The following PCM1 variants were observed in gnomAD, a reference collection of about 807,000 sequenced individuals.
The protein encoded by PCM1 is pericentriolar material 1 protein.
In PCM1, 157 loss-of-function variants were observed where a neutral mutation model predicts 241.9. The ratio of observed to expected loss-of-function variants is 0.65; its 90% confidence interval spans 0.57 to 0.74. The LOEUF is 0.74. Among genes scored for constraint, PCM1 ranks in the 30% least tolerant of loss-of-function variants. The pLI is 0.00. For missense variants in PCM1, 3,478 were observed against 2,360.1 expected, an observed-to-expected ratio of 1.47 and a Z score of -9.81; for synonymous variants, 1,085 against 784.9, an observed-to-expected ratio of 1.38 and a Z score of -6.39.
rs2069044245 is a variant in PCM1 at position 17,957,348 on chromosome 8, A to G, written c.1731A>G (p.Thr577=). The G allele has an allele frequency of 6.2e-7, 1 of 1,611,418 alleles. No homozygotes were observed. Among genetic ancestry groups the G allele is most frequent in the Non-Finnish European group, 8.5e-7 (1 of 1,177,908 alleles). Residue 577 remains threonine (T), a synonymous_variant, in exon 12 of 39, where the codon ACA becomes ACG. Coordinates refer to ENST00000325083, the MANE Select transcript of PCM1 (RefSeq NM_006197.4). ...QCVSNNRDGR[T]VNSNCEINNR... ...TTTCTAATAATAGAGATGGGCGAAC[A>G]GTTAATTCTAATTGTGAAATTAACA... is the stretch of plus-strand genomic sequence containing the variant.
At chr8:17,970,145 A>G (rs1214240801) in intron 22 of PCM1, among the ~76,000 whole-genome samples, 2 of 152,104 alleles carry the variant, frequency 1.3e-5, no homozygotes, top group Non-Finnish European at 2.9e-5. Context: ...TTCAAATATA[A>G]TGTTGAGTAC....
rs1412935189 is a variant in PCM1 at position 18,028,779 on chromosome 8, G to A, written c.*1117G>A. ...TCCTCGAATAAAATACAAAGAATTA[G>A]TTCCAATAAGTATTTTAACTTTGTT... is the stretch of plus-strand genomic sequence containing the variant. On this transcript the variant is annotated 3_prime_UTR_variant, in exon 39 of 39. Transcript: ENST00000325083. 1 of 191,588 alleles carries A rather than the reference G, an allele frequency of 5.2e-6. No homozygotes were observed. The highest frequency in any genetic ancestry group is 1.1e-5 in the Non-Finnish European group (1 of 91,520). The allele number at this position is 191,588 out of a possible 1,614,324, so 11.9% of individuals were successfully genotyped here. A position where few individuals can be genotyped will look rare whatever the true frequency, so the allele number is the denominator to read the frequency against.
At chr8:17,934,662 C>G (rs922866616) in intron 2 of PCM1, 1 of 152,074 alleles carries the variant, frequency 6.6e-6, no homozygotes, top group Non-Finnish European at 1.5e-5. Flanking sequence ...CTTTTCATGT[C>G]CCTTGAATTT....
At chr8:17,989,648 A>G (rs972822452) in intron 26 of PCM1, among the ~76,000 whole-genome samples, 1 of 152,154 alleles carries the variant, frequency 6.6e-6, no homozygotes, top group East Asian at 1.9e-4. Flanking sequence ...ATATTCTGCA[A>G]GGCTACTTAT....
intron 38 of PCM1, among the ~76,000 whole-genome samples, 172 bp from the exon 39 acceptor site, chr8:18,027,465 T>C (rs2094318471): frequency 1.3e-5 from 2 of 152,212 alleles, no homozygotes; most frequent in Admixed American, 1.3e-4. Flanking sequence ...CAGAAACGCC[T>C]CACCTATTCT....
chr8:17,991,157 TG>T (rs893061777), intron 27 of PCM1, among the ~76,000 whole-genome samples: 15 of 152,128 alleles, frequency 9.9e-5, no homozygotes, highest in African/African-American at 2.9e-4. Context: ...TGTTTTAGGT[TG>T]CGTTGTTTTC....
intron 11 of PCM1, 100 bp from the exon 12 acceptor site, chr8:17,957,164 G>A (rs1244870947): frequency 1.1e-6 from 1 of 880,062 alleles, no homozygotes; most frequent in Non-Finnish European, 1.7e-6. Flanking sequence ...AGCCAACAAT[G>A]TGCTTGGTTT....
intron 1 of PCM1, among the ~76,000 whole-genome samples, chr8:17,924,389 C>G (rs184424206): frequency 6.5e-4 from 99 of 152,270 alleles, no homozygotes; most frequent in African/African-American, 2.1e-3. Context: ...TAACAGGAAG[C>G]TCGATCAATC....
chr8:17,996,361 A>G (rs1352170812), intron 29 of PCM1, among the ~76,000 whole-genome samples: 1 of 152,224 alleles, frequency 6.6e-6, no homozygotes, highest in Non-Finnish European at 1.5e-5. Context: ...ATGTTGAACC[A>G]TCCTTGCATC....
At chr8:17,983,020 A>G (rs910600224) in intron 24 of PCM1, among the ~76,000 whole-genome samples, 2 of 152,206 alleles carry the variant, frequency 1.3e-5, no homozygotes, top group African/African-American at 2.4e-5. Context: ...TATGATAGTC[A>G]TCATCGGTCG....
intron 4 of PCM1, 91 bp downstream of exon 4, chr8:17,937,470 T>G: frequency 8.3e-7 from 1 of 1,204,580 alleles, no homozygotes; most frequent in South Asian, 1.5e-5. Context: ...AAAATTGAGC[T>G]GTTTATGTAA....
At chr8:17,996,711 A>C (rs1024347553) in intron 29 of PCM1, among the ~76,000 whole-genome samples, 1 of 152,172 alleles carries the variant, frequency 6.6e-6, no homozygotes, top group Non-Finnish European at 1.5e-5. Flanking sequence ...TCAGGTTACC[A>C]TGAGGATTGC....
intron 4 of PCM1, among the ~76,000 whole-genome samples, chr8:17,938,047 C>T (rs1460421769): frequency 1.3e-5 from 2 of 152,112 alleles, no homozygotes; most frequent in Non-Finnish European, 2.9e-5. Flanking sequence ...ACTTTAATTA[C>T]ATTGATTCAT....
At chr8:17,969,188 C>T (rs569268107) in intron 21 of PCM1, among the ~76,000 whole-genome samples, 8 of 152,150 alleles carry the variant, frequency 5.3e-5, no homozygotes, top group African/African-American at 1.9e-4. Flanking sequence ...ATTTATTAGA[C>T]GTTTGATTTC....
intron 36 of PCM1, among the ~76,000 whole-genome samples, chr8:18,022,060 T>G (rs569100854): frequency 1.3e-5 from 2 of 152,172 alleles, no homozygotes; most frequent in Admixed American, 6.5e-5. Flanking sequence ...TTGAGCCTCA[T>G]TGGAAAGGAC....
At chr8:17,991,044 G>GTT (rs1290689649) in intron 27 of PCM1, among the ~76,000 whole-genome samples, 1 of 145,062 alleles carries the variant, frequency 6.9e-6, no homozygotes, top group African/African-American at 2.5e-5. Context: ...TCATTTACTG[G>GTT]TATTTTTTTT....
intron 7 of PCM1, among the ~76,000 whole-genome samples, chr8:17,949,118 G>A (rs1026469245): frequency 9.2e-5 from 14 of 152,138 alleles, no homozygotes; most frequent in Admixed American, 2.6e-4. Context: ...CAGAGAATAG[G>A]AGTATAATGC....
In PCM1 at chr8:17,980,768, T is replaced by C; in HGVS notation, c.4108+13T>C. On this transcript the variant is annotated intron_variant, in intron 24 of 38. Coordinates refer to ENST00000325083, the MANE Select transcript of PCM1 (RefSeq NM_006197.4). ...GAAATATCTTCAGGTATGTTCTTTT[T>C]TGGTTTGCATTAATATAAGGAGGTT... 1 of 1,585,394 alleles carries C rather than the reference T, an allele frequency of 6.3e-7. No homozygotes were observed. The highest frequency in any genetic ancestry group is 8.6e-7 in the Non-Finnish European group (1 of 1,166,004).
At chr8:18,005,144 A>C (rs981235681) in intron 29 of PCM1, among the ~76,000 whole-genome samples, 7 of 152,058 alleles carry the variant, frequency 4.6e-5, no homozygotes, top group African/African-American at 1.7e-4. Context: ...AGCTCCTTAG[A>C]GCACCTAGTG....
Sources: gnomAD v4.1 joint callset for allele counts (sites outside exome capture counted in the v4.1 genomes callset) on GRCh38, gnomAD v4.1.1 for gene constraint, MANE v1.5 for transcripts, NCBI Gene and HGNC (gene_info 2026-07-23, HGNC 2026-07-21) for gene names.